Variants in PTPRN2 observed in about 807,000 individuals in gnomAD.
PTPRN2 encodes receptor-type tyrosine-protein phosphatase N2.
A neutral mutation model predicts 118.8 loss-of-function variants in PTPRN2; 74 were observed. That is an observed-to-expected ratio of 0.62 (90% CI 0.52 to 0.76). The LOEUF is 0.76. PTPRN2 is among the 30% of genes least tolerant of loss of function. The pLI is 0.00. For synonymous variants in PTPRN2, 641 were observed against 608.0 expected (o/e 1.05, Z -0.80); for missense variants, 1,481 against 1,394.4 (o/e 1.06, Z -0.99).
At chr7:158,014,588 C>T (rs940380772) in intron 11 of PTPRN2, among the ~76,000 whole-genome samples, 5 of 151,472 alleles carry the variant, frequency 3.3e-5, no homozygotes, top group African/African-American at 4.8e-5. Context: ...CCCATTCACC[C>T]GTTCATTCCT....
At chr7:157,994,706 TC>T (rs1387215987) in intron 11 of PTPRN2, among the ~76,000 whole-genome samples, 31 of 91,696 alleles carry the variant, frequency 3.4e-4, no homozygotes, top group African/African-American at 1.4e-3. Context: ...AGCTCCTTGT[TC>T]CTAAAATCAA....
At chr7:158,449,752 G>T (rs571452686) in intron 2 of PTPRN2, among the ~76,000 whole-genome samples, 2 of 152,218 alleles carry the variant, frequency 1.3e-5, no homozygotes, top group African/African-American at 4.8e-5. Context: ...TCAGTTTCCC[G>T]CAGCCCCTGC....
At chr7:158,210,953 C>T (rs1827548534) in intron 3 of PTPRN2, among the ~76,000 whole-genome samples, 1 of 152,122 alleles carries the variant, frequency 6.6e-6, no homozygotes, top group Non-Finnish European at 1.5e-5. Flanking sequence ...AAATTCATTC[C>T]ATTAAGCCAG....
Position 157,867,435 on chromosome 7 carries a change from C to T in PTPRN2, c.1788+31238G>A, listed in dbSNP as rs181724821. On this transcript the variant is annotated intron_variant, in intron 12 of 22. Transcript: ENST00000389418. The stretch of plus-strand genomic sequence containing the variant: ...ATACACGGCCACCTGGATACACGGC[C>T]ACCACCCCGCCCCTGACGCTCTGGA... 2.4e-3 allele frequency among the ~76,000 whole-genome samples: 314 copies of T among 133,102 alleles called. 2 individuals carry two copies. The highest frequency in any genetic ancestry group is 9.3e-3 in the African/African-American group (293 of 31,474). 87.3% of individuals were successfully genotyped at this position (133,102 alleles called of 152,430 possible). A position where few individuals can be genotyped will look rare whatever the true frequency, so the allele number is the denominator to read the frequency against.
chr7:158,129,834 A>G (rs951243719), intron 9 of PTPRN2, among the ~76,000 whole-genome samples: 1 of 152,154 alleles, frequency 6.6e-6, no homozygotes, highest in Non-Finnish European at 1.5e-5. Flanking sequence ...CAAAGAAATG[A>G]ACAGCCATGA....
intron 12 of PTPRN2, among the ~76,000 whole-genome samples, chr7:157,720,476 G>A (rs1036861062): frequency 2.6e-5 from 4 of 152,210 alleles, no homozygotes; most frequent in African/African-American, 9.7e-5. Context: ...CCGGGTCAAG[G>A]GCAAATCCCA....
intron 13 of PTPRN2, among the ~76,000 whole-genome samples, chr7:157,678,613 T>C (rs1245267348): frequency 1.3e-5 from 2 of 152,180 alleles, no homozygotes; most frequent in Non-Finnish European, 2.9e-5. Flanking sequence ...TGTAATCACT[T>C]GCTAATGGGA....
intron 9 of PTPRN2, among the ~76,000 whole-genome samples, chr7:158,131,543 G>T (rs994330496): frequency 2.1e-5 from 2 of 95,482 alleles, no homozygotes; most frequent in African/African-American, 9.2e-5. Flanking sequence ...ACACACACGG[G>T]TACATACAAA....
rs1478365400 is a variant in PTPRN2, at chr7:157,587,517, A to G, written c.2496+7721T>C. 6.6e-6 allele frequency among the ~76,000 whole-genome samples: 1 copy of G among 152,246 alleles called. No homozygotes were observed. Among genetic ancestry groups the G allele is most frequent in the Non-Finnish European group, 1.5e-5 (1 of 68,044 alleles). ...AAAAAGCTGTATTTACATCAAGCCT[A>G]TCAATTTGGAAATGAGAAAACATAT... On this transcript the variant is annotated intron_variant, in intron 17 of 22. Transcript: ENST00000389418. The surrounding 1 kb of genome is among the most constrained non-coding windows in gnomAD (Gnocchi z 5.3).
chr7:157,804,901 G>T (rs1563127640), intron 12 of PTPRN2, among the ~76,000 whole-genome samples: 1 of 152,176 alleles, frequency 6.6e-6, no homozygotes, highest in Non-Finnish European at 1.5e-5. Context: ...TGTGTGTGGA[G>T]CCTGGCAACA....
rs1317000204 is a variant in PTPRN2, at chr7:157,548,929, G to A, written c.2976+17C>T. ...ACCTTGAATGGGTCTGCGTCCCGGA[G>A]GAGAGACTGACAGTACCTTCGTCTG... On this transcript the variant is annotated intron_variant, in intron 22 of 22. Coordinates refer to ENST00000389418, the MANE Select transcript of PTPRN2 (RefSeq NM_002847.5). The A allele has an allele frequency of 5.0e-6, 8 of 1,612,332 alleles. No individual in the cohort carries two copies. The highest frequency in any genetic ancestry group is 6.8e-6 in the Non-Finnish European group (8 of 1,178,446).
chr7:157,778,815 G>A (rs1211948444), intron 12 of PTPRN2, among the ~76,000 whole-genome samples: 3 of 151,942 alleles, frequency 2.0e-5, no homozygotes, highest in East Asian at 1.9e-4. Flanking sequence ...TACAGGTGCC[G>A]CCGAATGCCC....
Position 157,927,366 on chromosome 7 carries a change from C to T in PTPRN2, c.1724-28629G>A, listed in dbSNP as rs112189052. On this transcript the variant is annotated intron_variant, in intron 11 of 22. Transcript: ENST00000389418. ...GACCCGTCTGAGAGCAGAGACCTCACGTGTGCTGGGACCCTGAAGACAGGA... is the reference window on the plus strand; with the variant it reads ...GACCCGTCTGAGAGCAGAGACCTCATGTGTGCTGGGACCCTGAAGACAGGA... Among the ~76,000 whole-genome samples the T allele has an allele frequency of 4.7e-3, 329 of 70,270 alleles. 7 individuals are homozygous for T. The highest frequency in any genetic ancestry group is 0.01 in the Admixed American group (57 of 5,570). The allele number at this position is 70,270 out of a possible 152,430, so 46.1% of individuals were successfully genotyped here.
chr7:158,299,407 C>G (rs1230462301), intron 3 of PTPRN2, among the ~76,000 whole-genome samples: 4 of 151,686 alleles, frequency 2.6e-5, no homozygotes, highest in Non-Finnish European at 5.9e-5. Context: ...AAGCAATTCT[C>G]CTGCCTCAGC....
chr7:157,664,142 T>G (rs1199039638), intron 13 of PTPRN2, among the ~76,000 whole-genome samples: 2 of 152,194 alleles, frequency 1.3e-5, no homozygotes, highest in African/African-American at 4.8e-5. Flanking sequence ...CACTCCTCAC[T>G]CTTCATTGAA....
chr7:158,376,482 G>A (rs369898465), intron 2 of PTPRN2, among the ~76,000 whole-genome samples: 2 of 146,674 alleles, frequency 1.4e-5, no homozygotes, highest in Admixed American at 6.7e-5. Flanking sequence ...CCTGAGAGGG[G>A]GGTCAGTGGA....
chr7:157,849,026 G>C (rs1384852393), intron 12 of PTPRN2, among the ~76,000 whole-genome samples: 2 of 152,196 alleles, frequency 1.3e-5, no homozygotes, highest in Non-Finnish European at 2.9e-5. Flanking sequence ...ACCAATAGCG[G>C]GTCTTGGGAT....
At chr7:157,579,829 A>C (rs1393656790) in intron 17 of PTPRN2, among the ~76,000 whole-genome samples, 5 of 152,244 alleles carry the variant, frequency 3.3e-5, no homozygotes, top group Admixed American at 1.3e-4. Flanking sequence ...AATCAAACAA[A>C]TAGGCAGCCC....
At chr7:158,059,142 G>C (rs1218295937) in intron 11 of PTPRN2, among the ~76,000 whole-genome samples, 71 of 85,838 alleles carry the variant, frequency 8.3e-4, no homozygotes, top group African/African-American at 2.0e-3. Flanking sequence ...CCCACGGTGA[G>C]ACATCACTGC....
Sources: gnomAD v4.1 joint callset for allele counts (sites outside exome capture counted in the v4.1 genomes callset) on GRCh38, gnomAD v4.1.1 for gene constraint, Gnocchi (gnomAD v3.1) non-coding constraint, MANE v1.5 for transcripts, NCBI Gene and HGNC (gene_info 2026-07-23, HGNC 2026-07-21) for gene names.